Variants in OXR1 observed in about 807,000 individuals in gnomAD.
The protein encoded by OXR1 is oxidation resistance 1.
Under a neutral mutation model 104.6 loss-of-function variants are expected in OXR1, and 41 were observed. The ratio of observed to expected loss-of-function variants is 0.39; its 90% CI spans 0.31 to 0.51. The LOEUF (loss-of-function observed/expected upper bound fraction) is 0.51. Among genes scored for constraint, OXR1 ranks in the 20% least tolerant of loss-of-function variants. The pLI, the probability that OXR1 is intolerant of heterozygous loss-of-function variation, is 0.77. For missense variants in OXR1, 955 were observed against 1,031.9 expected, an observed-to-expected ratio of 0.93 and a Z score of 1.02; for synonymous variants, 348 against 348.4, an observed-to-expected ratio of 1.00 and a Z score of 0.01.
rs1835935206 is a variant in OXR1 at position 106,752,269 on chromosome 8, T to C, written c.*1328T>C. ...AGAAAGTGTTGATTGCCAGGTTGCT[T>C]ATAGCACTTTAAGTTATTCTAAAAA... On this transcript the variant is annotated 3_prime_UTR_variant, in exon 17 of 17. Transcript: ENST00000517566. 1 of 152,582 alleles carries C rather than the reference T, an allele frequency of 6.6e-6. No individual in the cohort carries two copies. The highest frequency in any genetic ancestry group is 2.4e-5 in the African/African-American group (1 of 41,462). 9.5% of individuals were successfully genotyped at this position (152,582 alleles called of 1,614,324 possible).
rs528240656 is a variant in OXR1 at position 106,697,878 on chromosome 8, G to T, written c.675+5001G>T. 187 of 1,612,390 alleles carry T rather than the reference G, an allele frequency of 1.2e-4. 1 individual carries two copies. The South Asian group carries it at 1.8e-3, about 16-fold the overall frequency. On this transcript the variant is annotated intron_variant, in intron 7 of 16. Coordinates refer to ENST00000517566, the MANE Select transcript of OXR1 (RefSeq NM_001198533.2). ...TCTGGAAGTTCTCGCGTCCAGGCTGGGACCGGCCCACATCCTTTCGGCACT... is the reference window on the plus strand; with the variant it reads ...TCTGGAAGTTCTCGCGTCCAGGCTGTGACCGGCCCACATCCTTTCGGCACT...
At chr8:106,285,664 A>T (rs1201088474) in intron 1 of OXR1, among the ~76,000 whole-genome samples, 2 of 152,014 alleles carry the variant, frequency 1.3e-5, no homozygotes, top group Non-Finnish European at 2.9e-5. Context: ...AAGAAGTTGC[A>T]TATTGATTCT....
intron 1 of OXR1, among the ~76,000 whole-genome samples, chr8:106,314,634 G>T (rs1304904217): frequency 1.3e-5 from 2 of 152,150 alleles, no homozygotes; most frequent in East Asian, 1.9e-4. Flanking sequence ...TGTTGAGATT[G>T]TGGTTTAAAC....
intron 3 of OXR1, among the ~76,000 whole-genome samples, chr8:106,546,892 C>T (rs1344096043): frequency 6.6e-6 from 1 of 151,880 alleles, no homozygotes; most frequent in Non-Finnish European, 1.5e-5. Flanking sequence ...ACTATTTTAA[C>T]CTGTTTGTTT....
intron 2 of OXR1, among the ~76,000 whole-genome samples, chr8:106,417,652 T>A (rs4585724): frequency 0.38 from 57,093 of 151,962 alleles, 11,936 homozygotes; most frequent in East Asian, 0.69. Context: ...AGTTTCCCAA[T>A]CAGCCCAATT....
intron 2 of OXR1, among the ~76,000 whole-genome samples, chr8:106,409,089 C>T (rs184401380): frequency 6.6e-6 from 1 of 152,244 alleles, no homozygotes; most frequent in African/African-American, 2.4e-5. Context: ...CCCTGGGGCT[C>T]TGCAGAAGCT....
intron 3 of OXR1, among the ~76,000 whole-genome samples, chr8:106,548,548 A>T (rs75801493): frequency 0.049 from 7,460 of 152,328 alleles, 200 homozygotes; most frequent in Middle Eastern, 0.068. Context: ...AAAAGCTCAA[A>T]AAGAAACATG....
intron 2 of OXR1, among the ~76,000 whole-genome samples, chr8:106,405,478 C>T (rs1818198686): frequency 6.6e-6 from 1 of 152,010 alleles, no homozygotes; most frequent in Non-Finnish European, 1.5e-5. Context: ...GTCTGATTCC[C>T]CTTCCCTTGA....
At chr8:106,507,575 A>G (rs1246286552) in intron 2 of OXR1, among the ~76,000 whole-genome samples, 1 of 152,158 alleles carries the variant, frequency 6.6e-6, no homozygotes, top group Non-Finnish European at 1.5e-5. Context: ...TATTTTGGAG[A>G]GGGTTGTGCA....
intron 1 of OXR1, among the ~76,000 whole-genome samples, chr8:106,281,282 A>T (rs1287609624): frequency 6.6e-6 from 1 of 152,208 alleles, no homozygotes; most frequent in African/African-American, 2.4e-5. Context: ...AGCTGCGTTC[A>T]TAATTGCTCC....
intron 2 of OXR1, among the ~76,000 whole-genome samples, chr8:106,498,662 C>T (rs559134660): frequency 5.3e-5 from 8 of 151,952 alleles, no homozygotes; most frequent in East Asian, 3.9e-4. Flanking sequence ...TGAGTGTGGG[C>T]GTGTGTGCTT....
chr8:106,363,040 TAA>T (rs1263700841), intron 2 of OXR1, among the ~76,000 whole-genome samples: 1 of 152,234 alleles, frequency 6.6e-6, no homozygotes, highest in African/African-American at 2.4e-5. Flanking sequence ...CCAAATCTGT[TAA>T]AGACTGGACA....
At chr8:106,339,519 A>T (rs867581029) in intron 1 of OXR1, among the ~76,000 whole-genome samples, 69 of 33,270 alleles carry the variant, frequency 2.1e-3, no homozygotes, top group South Asian at 0.012. Flanking sequence ...AAAAAAAAAA[A>T]ATATATATAT....
chr8:106,546,363 CTTG>C lies in OXR1; in HGVS notation c.220+27227_220+27229del, dbSNP rs146733184. Among the ~76,000 whole-genome samples the C allele has an allele frequency of 5.9e-3, 903 of 152,266 alleles. 7 individuals carry two copies. Among genetic ancestry groups the C allele is most frequent in the African/African-American group, 0.02 (830 of 41,536 alleles). ...CATTCCCAGGATCTAACACAGTGGA[CTTG>C]TTATTTGTTAAGTACATTTATAAAA... is the stretch of plus-strand genomic sequence containing the variant. On this transcript the variant is annotated intron_variant, in intron 3 of 16. Coordinates refer to ENST00000517566, the MANE Select transcript of OXR1 (RefSeq NM_001198533.2).
chr8:106,726,457 G>T, intron 11 of OXR1: 1 of 512,004 alleles, frequency 2.0e-6, no homozygotes, highest in South Asian at 3.3e-5. Context: ...CCTTGAAGTT[G>T]TTTCTGTTAA....
rs1827922218 is a variant in OXR1, at chr8:106,679,374, A to G, written c.303+82A>G. ...ATTCTCTGTTTATACTATAAATAAG[A>G]CAAGCATTGTTAATTGCCTTATTTT... On this transcript the variant is annotated intron_variant, in intron 4 of 16. Transcript: ENST00000517566. 4 of 588,998 alleles carry G rather than the reference A, an allele frequency of 6.8e-6. No individual in the cohort carries two copies. The South Asian group carries it at 9.5e-5, about 14-fold the overall frequency. The allele number at this position is 588,998 out of a possible 1,614,324, so 36.5% of individuals were successfully genotyped here. A position where few individuals can be genotyped will look rare whatever the true frequency, so the allele number is the denominator to read the frequency against.
intron 2 of OXR1, among the ~76,000 whole-genome samples, chr8:106,367,191 A>T (rs1485648052): frequency 6.6e-6 from 1 of 151,610 alleles, no homozygotes; most frequent in African/African-American, 2.4e-5. Context: ...CCTCCCAGGT[A>T]GCTGGGACTA....
chr8:106,391,544 T>C (rs1337167470), intron 2 of OXR1, among the ~76,000 whole-genome samples: 1 of 152,162 alleles, frequency 6.6e-6, no homozygotes. Flanking sequence ...TAAAGACACA[T>C]GCTCCATTTA....
intron 3 of OXR1, among the ~76,000 whole-genome samples, chr8:106,598,313 T>G (rs1323777085): frequency 6.6e-6 from 1 of 152,184 alleles, no homozygotes; most frequent in Non-Finnish European, 1.5e-5. Flanking sequence ...TTATAAGGTA[T>G]CTCCTTCAGA....
Sources: gnomAD v4.1 joint callset for allele counts (sites outside exome capture counted in the v4.1 genomes callset) on GRCh38, gnomAD v4.1.1 for gene constraint, MANE v1.5 for transcripts, NCBI Gene and HGNC (gene_info 2026-07-23, HGNC 2026-07-21) for gene names.